ANKRD12: variants seen among roughly 807,000 people sequenced by gnomAD.
The protein encoded by ANKRD12 is ankyrin repeat domain-containing protein 12.
A neutral mutation model predicts 183.4 loss-of-function variants in ANKRD12; 85 were observed. The observed-to-expected ratio is 0.46, with a 90% confidence interval of 0.39 to 0.56. ANKRD12 has a LOEUF of 0.56. ANKRD12 is among the 20% of genes least tolerant of loss of function. The pLI is 0.00. For missense variants in ANKRD12, 2,405 were observed against 2,357.1 expected, an observed-to-expected ratio of 1.02 and a Z score of -0.42; for synonymous variants, 914 against 800.2, an observed-to-expected ratio of 1.14 and a Z score of -2.40.
At chr18:9,276,761 G>A (rs1051619204) in intron 11 of ANKRD12, among the ~76,000 whole-genome samples, 1 of 152,062 alleles carries the variant, frequency 6.6e-6, no homozygotes, top group Non-Finnish European at 1.5e-5. Context: ...TATTTCAAAT[G>A]AAAGTGTTCA....
intron 8 of ANKRD12, among the ~76,000 whole-genome samples, chr18:9,224,195 A>G (rs1184025235): frequency 1.3e-5 from 2 of 152,248 alleles, no homozygotes; most frequent in African/African-American, 2.4e-5. Context: ...CACAAAAGTT[A>G]TAAAATTTTT....
Position 9,136,874 on chromosome 18 carries a change from G to A in ANKRD12, c.-143G>A, listed in dbSNP as rs1338203708. Reference sequence around the variant, plus strand: ...AAGCCCGGCTCCGGCGGCTTTACAGGCGGCTGCAGCGGCGACGAAGACAAC... The same window carrying A: ...AAGCCCGGCTCCGGCGGCTTTACAGACGGCTGCAGCGGCGACGAAGACAAC... On this transcript the variant is annotated 5_prime_UTR_variant, in exon 1 of 13. Coordinates refer to ENST00000262126, the MANE Select transcript of ANKRD12 (RefSeq NM_015208.5). 6.6e-6 allele frequency: 1 copy of A among 152,450 alleles called. No individual in the cohort carries two copies. Among genetic ancestry groups the A allele is most frequent in the African/African-American group, 2.4e-5 (1 of 41,466 alleles). The allele number at this position is 152,450 out of a possible 1,614,324, so 9.4% of individuals were successfully genotyped here.
chr18:9,259,220 T>TCC (rs200329203), intron 9 of ANKRD12, among the ~76,000 whole-genome samples: 1,576 of 152,300 alleles, frequency 0.01, 22 homozygotes, highest in African/African-American at 0.036. Context: ...ACAAACTATT[T>TCC]CAGTAAAAAT....
intron 2 of ANKRD12, among the ~76,000 whole-genome samples, chr18:9,195,326 C>T (rs966643442): frequency 1.3e-5 from 2 of 151,422 alleles, no homozygotes; most frequent in African/African-American, 2.4e-5. Flanking sequence ...TACCCCTGAA[C>T]GTAAAATATT....
intron 1 of ANKRD12, among the ~76,000 whole-genome samples, chr18:9,171,220 G>C (rs2032693827): frequency 1.3e-5 from 2 of 152,138 alleles, no homozygotes; most frequent in South Asian, 4.1e-4. Flanking sequence ...AACCACTACT[G>C]TCTTCAAAGC....
chr18:9,194,151 A>C (rs1038129954), intron 2 of ANKRD12, among the ~76,000 whole-genome samples: 1 of 152,054 alleles, frequency 6.6e-6, no homozygotes, highest in East Asian at 1.9e-4. Context: ...CTCAAACTTT[A>C]CTATGCATCA....
At chr18:9,170,475 T>A (rs546656987) in intron 1 of ANKRD12, among the ~76,000 whole-genome samples, 1 of 152,246 alleles carries the variant, frequency 6.6e-6, no homozygotes, top group African/African-American at 2.4e-5. Context: ...CCGTCACTTA[T>A]ACCCTTTCTT....
At chr18:9,170,485 TC>T (rs2143964821) in intron 1 of ANKRD12, among the ~76,000 whole-genome samples, 1 of 152,348 alleles carries the variant, frequency 6.6e-6, no homozygotes, top group Non-Finnish European at 1.5e-5. Context: ...TACCCTTTCT[TC>T]CAGTTGATCG....
chr18:9,205,202 C>T (rs548078907), intron 4 of ANKRD12, among the ~76,000 whole-genome samples: 1 of 152,000 alleles, frequency 6.6e-6, no homozygotes, highest in South Asian at 2.1e-4. Context: ...AGTACTGTGT[C>T]CTCTTAAAAT....
At chr18:9,190,252 C>T (rs2034368783) in intron 2 of ANKRD12, among the ~76,000 whole-genome samples, 1 of 152,168 alleles carries the variant, frequency 6.6e-6, no homozygotes, top group Non-Finnish European at 1.5e-5. Context: ...GACTGAATTG[C>T]TGAAATCTCA....
chr18:9,262,109 GTTAT>G (rs1333059877), intron 9 of ANKRD12, among the ~76,000 whole-genome samples: 1 of 152,186 alleles, frequency 6.6e-6, no homozygotes, highest in Admixed American at 6.5e-5. Context: ...TCTTTGTGGT[GTTAT>G]TTAACATGTT....
intron 1 of ANKRD12, among the ~76,000 whole-genome samples, chr18:9,146,275 A>T (rs1456457670): frequency 6.6e-6 from 1 of 152,242 alleles, no homozygotes; most frequent in South Asian, 2.1e-4. Context: ...TTTAAAAATA[A>T]AACCAAGCCT....
At chr18:9,191,221 G>A (rs777338170) in intron 2 of ANKRD12, among the ~76,000 whole-genome samples, 17 of 152,124 alleles carry the variant, frequency 1.1e-4, no homozygotes, top group Non-Finnish European at 2.4e-4. Context: ...CAGAGTTATG[G>A]GCCTAGGATG....
At chr18:9,186,333 T>A (rs1363069863) in intron 2 of ANKRD12, among the ~76,000 whole-genome samples, 3 of 152,186 alleles carry the variant, frequency 2.0e-5, no homozygotes, top group Non-Finnish European at 4.4e-5. Flanking sequence ...ATAAAATAAA[T>A]GGCAAGAATG....
At chr18:9,141,295 CATATA>C (rs1224585614) in intron 1 of ANKRD12, among the ~76,000 whole-genome samples, 1 of 152,076 alleles carries the variant, frequency 6.6e-6, no homozygotes, top group African/African-American at 2.4e-5. Flanking sequence ...CATGGTTGTT[CATATA>C]ATATGAGGCT....
chr18:9,224,418 T>TA (rs1209616778), intron 8 of ANKRD12, among the ~76,000 whole-genome samples: 1 of 151,904 alleles, frequency 6.6e-6, no homozygotes, highest in African/African-American at 2.4e-5. Context: ...CTTTTTTTTT[T>TA]AAGCCAGCAA....
Position 9,275,595 on chromosome 18 carries a change from T to C in ANKRD12, c.5835T>C (p.Asn1945=). 1 of 1,611,472 alleles carries C rather than the reference T, an allele frequency of 6.2e-7. No homozygotes were observed. The highest frequency in any genetic ancestry group is 8.5e-7 in the Non-Finnish European group (1 of 1,178,040). ...VHYRAARTLA[N]QTLPFSACTV... ...ACAGAGCTGCAAGAACATTGGCAAA[T>C]CAAACACTGCCATTTAGTGCTTGTA... Residue 1945 remains asparagine (N), a synonymous_variant, in exon 11 of 13, where the codon AAT becomes AAC. Coordinates refer to ENST00000262126, the MANE Select transcript of ANKRD12 (RefSeq NM_015208.5).
intron 1 of ANKRD12, among the ~76,000 whole-genome samples, chr18:9,147,732 T>C (rs2078540851): frequency 6.6e-6 from 1 of 152,182 alleles, no homozygotes; most frequent in Admixed American, 6.5e-5. Context: ...CATTTCACTG[T>C]ATGCAGAACA....
intron 10 of ANKRD12, among the ~76,000 whole-genome samples, chr18:9,269,054 A>G (rs1472727116): frequency 6.6e-6 from 1 of 152,208 alleles, no homozygotes; most frequent in Non-Finnish European, 1.5e-5. Flanking sequence ...CTAGGAATCC[A>G]ACTTACAAGG....
Sources: allele counts gnomAD v4.1 joint callset (sites outside exome capture counted in the v4.1 genomes callset), GRCh38; gene constraint gnomAD v4.1.1; transcripts MANE v1.5; gene names NCBI Gene and HGNC (gene_info 2026-07-23, HGNC 2026-07-21).